Variants in SYNE2 observed in about 807,000 individuals in gnomAD.
SYNE2 encodes spectrin repeat containing nuclear envelope protein 2.
In SYNE2, 431 loss-of-function variants were observed where a neutral mutation model predicts 856.3. The observed-to-expected ratio is 0.50, with a 90% CI of 0.47 to 0.55. The LOEUF is 0.55. SYNE2 is among the 20% of genes least tolerant of loss of function. The pLI is 0.00. For synonymous variants in SYNE2, 2,923 were observed against 2,872.3 expected (o/e 1.02, Z -0.56); for missense variants, 8,129 against 8,023.2 (o/e 1.01, Z -0.50).
At chr14:64,189,048 C>T (rs1327410521) in intron 98 of SYNE2, 3 of 698,098 alleles carry the variant, frequency 4.3e-6, no homozygotes, top group Non-Finnish European at 7.8e-6. Flanking sequence ...AAGAAGCTCC[C>T]CTTGGCCTGG....
chr14:63,896,139 A>G (rs975041656), intron 1 of SYNE2, among the ~76,000 whole-genome samples: 4 of 152,198 alleles, frequency 2.6e-5, no homozygotes, highest in African/African-American at 7.2e-5. Flanking sequence ...TGTTTATAAA[A>G]ATAACATGTT....
intron 30 of SYNE2, among the ~76,000 whole-genome samples, chr14:64,004,972 C>A (rs2096785079): frequency 6.6e-6 from 1 of 152,112 alleles, no homozygotes; most frequent in African/African-American, 2.4e-5. Context: ...GAGAAGGTGG[C>A]CTTGGCATCA....
intron 19 of SYNE2, among the ~76,000 whole-genome samples, chr14:63,987,228 C>G (rs375109403): frequency 1.3e-5 from 2 of 151,998 alleles, no homozygotes; most frequent in African/African-American, 4.8e-5. Flanking sequence ...CGCACTCCAG[C>G]CTGGCGACAG....
rs9323448 is a variant in SYNE2, at chr14:64,224,738, C to G, written c.20469+191C>G. On this transcript the variant is annotated intron_variant, in intron 114 of 115. Coordinates refer to ENST00000555002, the MANE Select transcript of SYNE2 (RefSeq NM_182914.3). ...GATCACAGTAGGTTGTGAATGAGAG[C>G]TCTTATAGTGTCGCTAAAGGGGTTC... Among the ~76,000 whole-genome samples, 7,658 of 152,162 alleles carry G rather than the reference C, an allele frequency of 0.05. 475 individuals are homozygous for G. The highest frequency in any genetic ancestry group is 0.14 in the African/African-American group (5,894 of 41,484).
rs770069050 is a variant in SYNE2, at chr14:64,107,573, C to T, written c.12575C>T (p.Pro4192Leu). 6.2e-7 allele frequency: 1 copy of T among 1,614,162 alleles called. No individual in the cohort carries two copies. Among genetic ancestry groups the T allele is most frequent in the South Asian group, 1.1e-5 (1 of 91,084 alleles). Residue 4192 changes from proline (P) to leucine (L), a missense_variant, in exon 65 of 116, where the codon CCA becomes CTA. Transcript: ENST00000555002. ...GACTCACTAAACACTGAGCAAGGCC[C>T]AGAATGTTCCCTAAGGCCCAACCAA... ...TPDSLNTEQGPECSLRPNQTE... is the reference protein window; with the variant it reads ...TPDSLNTEQGLECSLRPNQTE...
chr14:64,045,683 A>C (rs150896736), intron 45 of SYNE2, among the ~76,000 whole-genome samples: 19 of 152,334 alleles, frequency 1.2e-4, no homozygotes, highest in African/African-American at 3.6e-4. Context: ...GAAGTTTACA[A>C]AATTATTTCA....
intron 2 of SYNE2, among the ~76,000 whole-genome samples, chr14:63,930,915 G>A (rs1006779294): frequency 2.0e-5 from 3 of 152,244 alleles, no homozygotes; most frequent in Non-Finnish European, 4.4e-5. Flanking sequence ...GAGGGGATCC[G>A]GGGAACCCCT....
In SYNE2 at chr14:63,842,711, C is replaced by T. The variant is rs553616588; in HGVS notation, c.-304-9790C>T. ...CTGACCTCAAATGACCCGCCGGCCT[C>T]GGCCTCCCAAAGTGCTGGGATTATA... On this transcript the variant is annotated intron_variant, in intron 1 of 23. Coordinates refer to the SYNE2 transcript ENST00000674003. Among the ~76,000 whole-genome samples, 159 of 152,256 alleles carry T rather than the reference C, an allele frequency of 1.0e-3. 1 individual carries two copies. Among genetic ancestry groups the T allele is most frequent in the Non-Finnish European group, 1.4e-3 (92 of 68,002 alleles).
intron 37 of SYNE2, 42 bp downstream of exon 37, chr14:64,022,070 A>C: frequency 6.3e-7 from 1 of 1,585,912 alleles, no homozygotes; most frequent in African/African-American, 1.3e-5. Flanking sequence ...GGGACTCTTG[A>C]AGTATGAATG....
intron 41 of SYNE2, 134 bp from the exon 42 acceptor site, chr14:64,026,445 A>T (rs748643285): frequency 2.8e-4 from 202 of 720,650 alleles, no homozygotes; most frequent in Non-Finnish European, 3.3e-4. Context: ...TCGGGTACAT[A>T]TAAAAATGAA....
chr14:63,991,924 C>T (rs2096669724), intron 21 of SYNE2, among the ~76,000 whole-genome samples: 1 of 151,310 alleles, frequency 6.6e-6, no homozygotes, highest in South Asian at 2.1e-4. Flanking sequence ...TCTCTTCATT[C>T]TCATCACGGC....
Position 64,211,091 on chromosome 14 carries a change from C to A in SYNE2, c.18724-870C>A, listed in dbSNP as rs1307761208. On this transcript the variant is annotated intron_variant, in intron 103 of 115. Coordinates refer to ENST00000555002, the MANE Select transcript of SYNE2 (RefSeq NM_182914.3). ...CAAACTCCTAGGCTCAAGGGATCCT[C>A]CTGCCTCAGCCTCCTGAGTAACTAG... Among the ~76,000 whole-genome samples, 4 of 152,272 alleles carry A rather than the reference C, an allele frequency of 2.6e-5. No individual in the cohort carries two copies. The East Asian group carries it at 7.7e-4, about 29-fold the overall frequency.
At position 64,151,420 on chromosome 14, in the gene SYNE2, T is replaced by TA. The variant is rs540541655; in HGVS notation, c.15640-1118dup. ...CATGCAGTGATTCTTACAAAGGATT[T>TA]AAAAAAAAAAAAAAAAAAAAAAAAA... On this transcript the variant is annotated intron_variant, in intron 84 of 115. Coordinates refer to ENST00000555002, the MANE Select transcript of SYNE2 (RefSeq NM_182914.3). Among the ~76,000 whole-genome samples, 124 of 19,340 alleles carry TA rather than the reference T, an allele frequency of 6.4e-3. 6 individuals carry two copies. Among genetic ancestry groups the TA allele is most frequent in the Middle Eastern group, 0.045 (1 of 22 alleles). 12.7% of individuals were successfully genotyped at this position (19,340 alleles called of 152,430 possible).
At chr14:63,912,839 A>G (rs1437419343) in intron 2 of SYNE2, among the ~76,000 whole-genome samples, 1 of 152,254 alleles carries the variant, frequency 6.6e-6, no homozygotes. Flanking sequence ...CGAAATTCAT[A>G]GAGCAGGACG....
chr14:64,002,730 A>G lies in SYNE2; in HGVS notation c.3797A>G (p.Asp1266Gly), dbSNP rs752582359. The G allele has an allele frequency of 3.1e-6, 5 of 1,612,072 alleles. No homozygotes were observed. The African/African-American group carries it at 5.4e-5, about 17-fold the overall frequency. The part of the protein sequence containing the change: ...RIYQHLRNIQ[D>G]SIAKQIEICN... ...TTATCTTTATTTTAGAATATCCAAG[A>G]TTCCATAGCAAAACAGATTGAAATA... The change falls in exon 30 of 116, where the codon GAT becomes GGT. Residue 1266 changes from aspartate (D) to glycine (G), a missense_variant. By Grantham distance (94) the Asp-to-Gly change is moderately conservative. This residue lies in a region of SYNE2 where 2,422 missense variants were observed against 2,357.4 expected (regional missense o/e 1.03). Coordinates refer to ENST00000555002, the MANE Select transcript of SYNE2 (RefSeq NM_182914.3).
intron 1 of SYNE2, among the ~76,000 whole-genome samples, chr14:63,890,058 T>C (rs1488177604): frequency 1.4e-4 from 21 of 145,006 alleles, no homozygotes; most frequent in Middle Eastern, 3.5e-3. Flanking sequence ...TCTTTCTTTT[T>C]TTTTTTTTTT....
At chr14:64,014,593 ATTTG>A (rs2096873388) in intron 32 of SYNE2, among the ~76,000 whole-genome samples, 1 of 151,772 alleles carries the variant, frequency 6.6e-6, no homozygotes, top group East Asian at 1.9e-4. Context: ...CACCCAACTA[ATTTG>A]TTTGTATTTT....
chr14:64,190,111 T>C lies in SYNE2; in HGVS notation c.17912T>C (p.Leu5971Ser). The change falls in exon 99 of 116, where the codon TTA (leucine) becomes TCA (serine). Residue 5971 changes from leucine (L) to serine (S), a missense_variant. By Grantham distance (145) the Leu-to-Ser change is moderately radical. This residue lies in a region of SYNE2 where 5,410 missense variants were observed against 5,284.8 expected (regional missense o/e 1.02). Coordinates refer to ENST00000555002, the MANE Select transcript of SYNE2 (RefSeq NM_182914.3). Reference sequence around the variant, plus strand: ...ATAAACTTGTTTAGTGAAAACAAGTTACAGTTAAAGCAGATGGGTGACCAG... The same window carrying C: ...ATAAACTTGTTTAGTGAAAACAAGTCACAGTTAAAGCAGATGGGTGACCAG... Reference protein sequence around the residue: ...EEINLFSENKLQLKQMGDQLI... With the variant: ...EEINLFSENKSQLKQMGDQLI... 6.2e-7 allele frequency: 1 copy of C among 1,614,044 alleles called. No homozygotes were observed. The highest frequency in any genetic ancestry group is 8.5e-7 in the Non-Finnish European group (1 of 1,180,014).
intron 84 of SYNE2, among the ~76,000 whole-genome samples, 183 bp from the exon 85 acceptor site, chr14:64,152,381 A>C (rs2098251334): frequency 6.6e-6 from 1 of 152,232 alleles, no homozygotes; most frequent in Admixed American, 6.5e-5. Flanking sequence ...CTCCTAAAAT[A>C]CAGAGTTGTG....
Sources: allele counts gnomAD v4.1 joint callset (sites outside exome capture counted in the v4.1 genomes callset), GRCh38; gene constraint gnomAD v4.1.1; regional missense constraint gnomAD v4.1.1; transcripts MANE v1.5; gene names NCBI Gene and HGNC (gene_info 2026-07-23, HGNC 2026-07-21).